Variants in ITGB5 observed in about 807,000 individuals in gnomAD.
The protein encoded by ITGB5 is integrin beta-5.
Under a neutral mutation model 84.8 loss-of-function variants are expected in ITGB5, and 38 were observed. The observed-to-expected ratio is 0.45, with a 90% CI of 0.35 to 0.59. The LOEUF is 0.59. Ranked by LOEUF, ITGB5 falls within the 20% of genes least tolerant of loss-of-function variation. ITGB5 has a pLI of 0.01. For synonymous variants in ITGB5, 393 were observed against 414.4 expected, an observed-to-expected ratio of 0.95 and a Z score of 0.63; for missense variants, 905 against 1,034.5, an observed-to-expected ratio of 0.87 and a Z score of 1.72.
intron 3 of ITGB5, among the ~76,000 whole-genome samples, chr3:124,852,158 C>G (rs1242765218): frequency 6.6e-6 from 1 of 152,118 alleles, no homozygotes; most frequent in African/African-American, 2.4e-5. Context: ...GTGGGAAGCG[C>G]TTCTCGCCTT....
chr3:124,810,908 TTTTCTTTC>T (rs10644920), intron 8 of ITGB5, among the ~76,000 whole-genome samples: 102 of 150,062 alleles, frequency 6.8e-4, no homozygotes, highest in East Asian at 5.0e-3. Context: ...CTCTTGTGGG[TTTTCTTTC>T]TTTCTTTCTT....
At chr3:124,834,165 G>T (rs2064895949) in intron 5 of ITGB5, among the ~76,000 whole-genome samples, 1 of 152,038 alleles carries the variant, frequency 6.6e-6, no homozygotes, top group African/African-American at 2.4e-5. Flanking sequence ...TCGTACATTT[G>T]TTAAAACCCA....
chr3:124,812,292 A>G (rs894297038), intron 8 of ITGB5, among the ~76,000 whole-genome samples: 1 of 152,176 alleles, frequency 6.6e-6, no homozygotes, highest in Admixed American at 6.5e-5. Flanking sequence ...TTAGTTCTCC[A>G]GTAGGAAACA....
At chr3:124,837,085 C>A (rs2064945070) in intron 5 of ITGB5, among the ~76,000 whole-genome samples, 1 of 152,182 alleles carries the variant, frequency 6.6e-6, no homozygotes, top group African/African-American at 2.4e-5. Flanking sequence ...ATGTACCCAG[C>A]CAAGCTCAAA....
chr3:124,852,428 C>T (rs150314966), intron 3 of ITGB5, among the ~76,000 whole-genome samples: 40 of 151,996 alleles, frequency 2.6e-4, no homozygotes, highest in Admixed American at 2.2e-3. Flanking sequence ...CAGGCAGCCC[C>T]CCTCATGTCC....
intron 2 of ITGB5, among the ~76,000 whole-genome samples, chr3:124,867,125 T>TC (rs1343906293): frequency 1.3e-5 from 2 of 151,944 alleles, no homozygotes; most frequent in African/African-American, 2.4e-5. Context: ...CACATCCACT[T>TC]CCCCAGGCAA....
intron 13 of ITGB5, 88 bp from the exon 14 acceptor site, chr3:124,764,645 G>A (rs2063742040): frequency 1.5e-6 from 2 of 1,361,748 alleles, no homozygotes; most frequent in African/African-American, 1.4e-5. Context: ...GATGAAAGTT[G>A]CACCCCTTCC....
At chr3:124,781,592 T>C (rs1439396268) in intron 10 of ITGB5, among the ~76,000 whole-genome samples, 1 of 152,178 alleles carries the variant, frequency 6.6e-6, no homozygotes, top group Non-Finnish European at 1.5e-5. Context: ...AGCAACTAAA[T>C]AAATCTCCAA....
rs1223690188 is a variant in ITGB5, at chr3:124,817,704, T to G, written c.1045A>C (p.Thr349Pro). 1 of 1,579,356 alleles carries G rather than the reference T, an allele frequency of 6.3e-7. No individual in the cohort carries two copies. The highest frequency in any genetic ancestry group is 1.4e-5 in the African/African-American group (1 of 73,008). ...KNHYMLYKNF[T>P]ALIPGTTVEI... is the part of the protein sequence containing the mutation. ...ACCGTTGTTCCAGGTATCAGGGCTG[T>G]AAAATTCTTGGGAAAAAAAGTAAAG... Residue 349 changes from threonine to proline, a missense_variant, in exon 8 of 15, where the codon ACA (threonine) becomes CCA (proline). Transcript: ENST00000296181.
chr3:124,807,768 ACC>A (rs2064429381), intron 9 of ITGB5, among the ~76,000 whole-genome samples: 1 of 150,994 alleles, frequency 6.6e-6, no homozygotes, highest in African/African-American at 2.4e-5. Flanking sequence ...CCATGGTGAA[ACC>A]CCGTCTCTAC....
At chr3:124,870,803 AGATG>A (rs971016858) in intron 2 of ITGB5, among the ~76,000 whole-genome samples, 5 of 145,258 alleles carry the variant, frequency 3.4e-5, no homozygotes, top group Non-Finnish European at 5.9e-5. Context: ...ATAAATAGAC[AGATG>A]GATGGATGGA....
At chr3:124,887,681 G>A (rs1217571783), upstream of ITGB5, 2 of 451,580 alleles carry the variant, frequency 4.4e-6, no homozygotes, top group East Asian at 7.1e-5. Context: ...AAGGGGCGGG[G>A]CACGCTGTAT....
intron 2 of ITGB5, chr3:124,863,250 A>C (rs1254752876): frequency 6.6e-6 from 1 of 152,240 alleles, no homozygotes; most frequent in Non-Finnish European, 1.5e-5. Flanking sequence ...GGCAGGTCTG[A>C]AGAAGCTTTT....
At chr3:124,873,845 G>A (rs980367688) in intron 1 of ITGB5, among the ~76,000 whole-genome samples, 1 of 151,250 alleles carries the variant, frequency 6.6e-6, no homozygotes, top group Non-Finnish European at 1.5e-5. Context: ...TTTACACTTA[G>A]TCTATCCAAA....
At chr3:124,810,609 GAATAAT>G (rs63222260) in intron 8 of ITGB5, among the ~76,000 whole-genome samples, 1 of 145,824 alleles carries the variant, frequency 6.9e-6, no homozygotes, top group Non-Finnish European at 1.5e-5. Flanking sequence ...AAAAAATTAA[GAATAAT>G]AATAATAATA....
In ITGB5 at chr3:124,856,555, C is replaced by T. The variant is rs900205902; in HGVS notation, c.361+2687G>A. 7.9e-5 allele frequency among the ~76,000 whole-genome samples: 12 copies of T among 151,828 alleles called. No homozygotes were observed. The South Asian group carries it at 8.3e-4, about 11-fold the overall frequency. ...CAAAGATTATTGAATGAAAATAGCA[C>T]GATTATACATACATTATGATAAGTA... On this transcript the variant is annotated intron_variant, in intron 3 of 14. Coordinates refer to ENST00000296181, the MANE Select transcript of ITGB5 (RefSeq NM_002213.5).
chr3:124,886,332 G>C (rs1307744453), intron 1 of ITGB5, among the ~76,000 whole-genome samples: 3 of 149,786 alleles, frequency 2.0e-5, no homozygotes, highest in Non-Finnish European at 4.5e-5. Context: ...TAGGCGAGGA[G>C]GAAGCAGGCG....
intron 9 of ITGB5, among the ~76,000 whole-genome samples, chr3:124,801,201 G>A (rs781549923): frequency 3.3e-5 from 5 of 152,170 alleles, no homozygotes; most frequent in East Asian, 1.9e-4. Context: ...TGTGCTGGGC[G>A]TCTGTGCTAG....
chr3:124,809,210 G>A (rs1011010050), intron 8 of ITGB5, 54 bp from the exon 9 acceptor site: 4 of 1,600,554 alleles, frequency 2.5e-6, no homozygotes, highest in Admixed American at 1.7e-5. Context: ...TGTGGCTGAG[G>A]TGCTCCCACA....
Sources: gnomAD v4.1 joint callset for allele counts (sites outside exome capture counted in the v4.1 genomes callset) on GRCh38, gnomAD v4.1.1 for gene constraint, MANE v1.5 for transcripts, NCBI Gene and HGNC (gene_info 2026-07-23, HGNC 2026-07-21) for gene names.